The following MORC1 variants were observed in gnomAD, a reference collection of about 807,000 sequenced individuals.
MORC1 encodes MORC family CW-type zinc finger 1.
Under a neutral mutation model 134.9 loss-of-function variants are expected in MORC1, and 59 were observed. The ratio of observed to expected loss-of-function variants is 0.44; its 90% CI spans 0.35 to 0.54. The LOEUF is 0.54. Ranked by LOEUF, MORC1 falls within the 20% of genes least tolerant of loss-of-function variation. The pLI, the probability that MORC1 is intolerant of heterozygous loss-of-function variation, is 0.00. For missense variants in MORC1, 947 were observed against 1,134.5 expected (o/e 0.83, Z 2.37); for synonymous variants, 395 against 391.7 (o/e 1.01, Z -0.10).
chr3:108,981,711 A>G (rs1023915148), intron 23 of MORC1, among the ~76,000 whole-genome samples: 2 of 152,196 alleles, frequency 1.3e-5, no homozygotes, highest in African/African-American at 4.8e-5. Flanking sequence ...GTGGTCAGTA[A>G]ATAATACCTA....
chr3:108,964,570 T>G (rs947214110), intron 26 of MORC1, among the ~76,000 whole-genome samples: 1 of 152,192 alleles, frequency 6.6e-6, no homozygotes, highest in East Asian at 1.9e-4. Context: ...TTCCCCTTTT[T>G]CTACAAAATC....
At chr3:109,036,665 T>TAACAGGATGC (rs1211822953) in intron 14 of MORC1, among the ~76,000 whole-genome samples, 13 of 152,154 alleles carry the variant, frequency 8.5e-5, no homozygotes, top group African/African-American at 3.1e-4. Context: ...CCTGTTAAAA[T>TAACAGGATGC]TTTGGCTCAG....
chr3:108,982,292 C>A (rs1947749749), intron 23 of MORC1, among the ~76,000 whole-genome samples: 1 of 152,116 alleles, frequency 6.6e-6, no homozygotes, highest in South Asian at 2.1e-4. Context: ...AACGCTTTTA[C>A]ACTGTTGGTG....
intron 8 of MORC1, among the ~76,000 whole-genome samples, chr3:109,073,209 A>C (rs1394162190): frequency 6.6e-6 from 1 of 152,074 alleles, no homozygotes; most frequent in Non-Finnish European, 1.5e-5. Flanking sequence ...TGCTGTTTTA[A>C]ATGCTGCTCC....
At chr3:108,996,568 A>C (rs1022890560) in intron 21 of MORC1, among the ~76,000 whole-genome samples, 2 of 152,196 alleles carry the variant, frequency 1.3e-5, no homozygotes. Flanking sequence ...AATCTCCAGA[A>C]AATGCCTGGA....
At chr3:108,967,204 AC>A (rs1004930240) in intron 26 of MORC1, among the ~76,000 whole-genome samples, 31 of 152,296 alleles carry the variant, frequency 2.0e-4, no homozygotes, top group African/African-American at 6.7e-4. Flanking sequence ...AACTCTGTTC[AC>A]CCTGAATAAA....
intron 22 of MORC1, among the ~76,000 whole-genome samples, chr3:108,985,038 A>C (rs530325672): frequency 5.9e-5 from 9 of 152,272 alleles, no homozygotes; most frequent in African/African-American, 2.2e-4. Context: ...TTTTAAATGG[A>C]CATTTTTTAC....
intron 17 of MORC1, among the ~76,000 whole-genome samples, chr3:109,026,008 C>T (rs1949065771): frequency 6.6e-6 from 1 of 152,098 alleles, no homozygotes; most frequent in African/African-American, 2.4e-5. Flanking sequence ...TCTGTATTTC[C>T]CATAATTCCC....
intron 9 of MORC1, among the ~76,000 whole-genome samples, chr3:109,063,456 C>A (rs976878334): frequency 1.3e-5 from 2 of 151,852 alleles, no homozygotes; most frequent in African/African-American, 4.8e-5. Flanking sequence ...TTCATGAGAG[C>A]GATAAGAAAA....
intron 23 of MORC1, among the ~76,000 whole-genome samples, chr3:108,983,942 C>T (rs1947826601): frequency 6.6e-6 from 1 of 152,120 alleles, no homozygotes; most frequent in Non-Finnish European, 1.5e-5. Context: ...AAAGTAGAGG[C>T]ATGAGAGAAG....
intron 8 of MORC1, among the ~76,000 whole-genome samples, chr3:109,082,209 A>G (rs1950535683): frequency 6.6e-6 from 1 of 151,824 alleles, no homozygotes; most frequent in Non-Finnish European, 1.5e-5. Context: ...TTATAGCACC[A>G]CCTAGTGCCG....
chr3:108,974,015 T>G (rs138965867), intron 24 of MORC1, among the ~76,000 whole-genome samples: 82 of 152,306 alleles, frequency 5.4e-4, no homozygotes, highest in African/African-American at 2.0e-3. Context: ...CTATTTTCTC[T>G]GATTTCCTGG....
rs751632045 is a variant in MORC1 at position 109,063,166 on chromosome 3, T to C, written c.881A>G (p.Glu294Gly). The change falls in exon 10 of 28, where the codon GAA becomes GGA. Residue 294 changes from glutamate to glycine, a missense_variant. This residue lies in a region of MORC1 where 722 missense variants were observed against 817.0 expected (regional missense o/e 0.88). Transcript: ENST00000232603. ...AFKDEVKKAE[E>G]AVKIAESILK... ...TAATCGCATACCAATCTTTACTGCT[T>C]CTTCTGCCTTTTTAACTTCATCTTT... is the stretch of plus-strand genomic sequence containing the variant. 6.3e-7 allele frequency: 1 copy of C among 1,599,434 alleles called. No individual in the cohort carries two copies. Among genetic ancestry groups the C allele is most frequent in the Non-Finnish European group, 8.6e-7 (1 of 1,168,016 alleles).
At chr3:109,090,759 T>G (rs1417625834) in intron 8 of MORC1, among the ~76,000 whole-genome samples, 1 of 151,978 alleles carries the variant, frequency 6.6e-6, no homozygotes, top group Non-Finnish European at 1.5e-5. Flanking sequence ...GAAAATTAAA[T>G]TATTTTCAGA....
intron 23 of MORC1, among the ~76,000 whole-genome samples, chr3:108,981,600 T>C (rs1253379332): frequency 6.6e-6 from 1 of 152,206 alleles, no homozygotes; most frequent in East Asian, 1.9e-4. Context: ...AGGAGATTCC[T>C]CTCTAAACCT....
intron 17 of MORC1, among the ~76,000 whole-genome samples, chr3:109,026,292 A>T (rs577595403): frequency 1.4e-4 from 21 of 152,296 alleles, no homozygotes; most frequent in African/African-American, 5.1e-4. Flanking sequence ...CTATATAAGT[A>T]CTGCTAAATT....
intron 8 of MORC1, among the ~76,000 whole-genome samples, chr3:109,091,007 T>C (rs976193294): frequency 6.6e-6 from 1 of 152,114 alleles, no homozygotes; most frequent in Non-Finnish European, 1.5e-5. Context: ...GGACCAGAAC[T>C]AATCCTTTAG....
intron 14 of MORC1, among the ~76,000 whole-genome samples, chr3:109,040,829 C>CAAAAAAAAAAAAAAAA (rs59122147): frequency 5.5e-5 from 6 of 108,630 alleles, no homozygotes; most frequent in African/African-American, 1.3e-4. Context: ...AACTCTGTGT[C>CAAAAAAAAAAAAAAAA]AAAAAAAAAA....
chr3:109,040,079 G>A (rs1211850973), intron 14 of MORC1, among the ~76,000 whole-genome samples: 1 of 151,816 alleles, frequency 6.6e-6, no homozygotes, highest in African/African-American at 2.4e-5. Flanking sequence ...GATCTGCACA[G>A]AGAGAGCCTA....
Sources: allele counts gnomAD v4.1 joint callset (sites outside exome capture counted in the v4.1 genomes callset), GRCh38; gene constraint gnomAD v4.1.1; regional missense constraint gnomAD v4.1.1; transcripts MANE v1.5; gene names NCBI Gene and HGNC (gene_info 2026-07-23, HGNC 2026-07-21).